TUSC3: variants seen among roughly 807,000 people sequenced by gnomAD.
TUSC3 encodes tumor suppressor candidate 3.
Under a neutral mutation model 44.8 loss-of-function variants are expected in TUSC3, and 45 were observed. That is an observed-to-expected ratio of 1.00 (90% CI 0.79 to 1.29). The LOEUF (loss-of-function observed/expected upper bound fraction) is 1.29, where lower values mean the gene tolerates loss of function less well. TUSC3 is among the 50% of genes most tolerant of loss of function. The probability of loss-of-function intolerance (pLI) is 0.00; values close to 1 mark genes in which losing one functional copy is unlikely to be tolerated. For missense variants in TUSC3, 519 were observed against 437.9 expected (o/e 1.19, Z -1.65); for synonymous variants, 212 against 152.9 (o/e 1.39, Z -2.85).
chr8:15,757,759 ATTG>A lies in TUSC3; in HGVS notation c.1029-27_1029-25del, dbSNP rs1471726633. 2.7e-6 allele frequency: 4 copies of A among 1,474,264 alleles called. No individual in the cohort carries two copies. The South Asian group carries it at 3.4e-5, about 13-fold the overall frequency. The allele number at this position is 1,474,264 out of a possible 1,614,324, so 91.3% of individuals were successfully genotyped here. Reference sequence around the variant, plus strand: ...CAATCTTAAGGATTATTTTTTCCATATTGTTGTATTTCATTGTGGTGTATTGGA... The same window carrying A: ...CAATCTTAAGGATTATTTTTTCCATATTGTATTTCATTGTGGTGTATTGGA... On this transcript the variant is annotated intron_variant, in intron 9 of 10. Coordinates refer to ENST00000503731, the MANE Select transcript of TUSC3 (RefSeq NM_006765.4).
the TUSC3 span, among the ~76,000 whole-genome samples, chr8:15,824,297 A>G: frequency 6.6e-6 from 1 of 152,220 alleles, no homozygotes; most frequent in Non-Finnish European, 1.5e-5. Context: ...ATTTATACAT[A>G]GAATGCAAAT....
chr8:15,586,977 A>G (rs1357394061), intron 1 of TUSC3, among the ~76,000 whole-genome samples: 1 of 152,106 alleles, frequency 6.6e-6, no homozygotes, highest in Non-Finnish European at 1.5e-5. Flanking sequence ...AAGTTTGAGA[A>G]CTGCTGGTTG....
chr8:15,707,638 C>G (rs755665934), intron 6 of TUSC3, among the ~76,000 whole-genome samples: 1 of 151,838 alleles, frequency 6.6e-6, no homozygotes, highest in Non-Finnish European at 1.5e-5. Context: ...GGAACAGCAG[C>G]TTATTGCCTA....
intron 1 of TUSC3, among the ~76,000 whole-genome samples, chr8:15,424,593 G>A (rs1048450471): frequency 1.8e-4 from 28 of 152,258 alleles, no homozygotes; most frequent in African/African-American, 5.1e-4. Flanking sequence ...TTAAAAAATC[G>A]TTAGTGGCTG....
At position 15,656,738 on chromosome 8, in the gene TUSC3, C is replaced by A. The variant is rs941764299; in HGVS notation, c.427-2769C>A. ...CAGAGGCCCTGCTGCTGTAGATCCA[C>A]TAAGGGGGATTCTTTACAATGGCTC... is the stretch of plus-strand genomic sequence containing the variant. On this transcript the variant is annotated intron_variant, in intron 3 of 10. Transcript: ENST00000503731. Among the ~76,000 whole-genome samples the A allele has an allele frequency of 1.6e-4, 24 of 152,226 alleles. 1 individual carries two copies. The highest frequency in any genetic ancestry group is 5.8e-4 in the African/African-American group (24 of 41,464).
intron 2 of TUSC3, among the ~76,000 whole-genome samples, chr8:15,648,799 C>T (rs1486301123): frequency 7.2e-6 from 1 of 138,564 alleles, no homozygotes; most frequent in Non-Finnish European, 1.5e-5. Flanking sequence ...TATCACGTAC[C>T]ATAAAAACAA....
downstream of TUSC3, among the ~76,000 whole-genome samples, chr8:15,766,963 G>A (rs545217400): frequency 8.5e-5 from 13 of 152,228 alleles, no homozygotes; most frequent in East Asian, 3.9e-4. Context: ...GACGCTTGAA[G>A]ACTCAATGTT....
Position 15,642,636 on chromosome 8 carries a change from G to T in TUSC3, c.309-8061G>T, listed in dbSNP as rs187628568. 3.5e-4 allele frequency among the ~76,000 whole-genome samples: 54 copies of T among 152,226 alleles called. No homozygotes were observed. The East Asian group carries it at 9.5e-3, about 27-fold the overall frequency. On this transcript the variant is annotated intron_variant, in intron 2 of 10. Transcript: ENST00000503731. ...ATAGACTTACTGGGAAATCCTGCAG[G>T]ATTTAAGATGTGAGTTAACGCTTTC... is the stretch of plus-strand genomic sequence containing the variant.
intron 2 of TUSC3, among the ~76,000 whole-genome samples, chr8:15,524,667 T>C (rs997548284): frequency 2.0e-5 from 3 of 152,156 alleles, no homozygotes; most frequent in African/African-American, 7.2e-5. Flanking sequence ...TAGCTAAAGA[T>C]AAAAAAAGAC....
At chr8:15,507,854 C>A (rs73536418) in intron 2 of TUSC3, among the ~76,000 whole-genome samples, 2 of 151,940 alleles carry the variant, frequency 1.3e-5, no homozygotes, top group Non-Finnish European at 2.9e-5. Flanking sequence ...TTAATGGCCT[C>A]CCCAAGAGGT....
At chr8:15,599,561 G>A (rs984347356) in intron 1 of TUSC3, among the ~76,000 whole-genome samples, 1 of 151,530 alleles carries the variant, frequency 6.6e-6, no homozygotes, top group African/African-American at 2.4e-5. Context: ...TTATAGTTTT[G>A]CATTTCACAT....
intron 7 of TUSC3, among the ~76,000 whole-genome samples, chr8:15,735,266 AGCT>A (rs72061473): frequency 0.53 from 80,284 of 151,576 alleles, 21,545 homozygotes; most frequent in African/African-American, 0.59. Context: ...AGAGTGACTC[AGCT>A]GCTGTTTTAG....
intron 1 of TUSC3, among the ~76,000 whole-genome samples, chr8:15,419,947 T>C (rs1042245490): frequency 6.6e-6 from 1 of 152,166 alleles, no homozygotes; most frequent in African/African-American, 2.4e-5. Flanking sequence ...ATTCCACATA[T>C]TTAATTGAAA....
the TUSC3 span, among the ~76,000 whole-genome samples, chr8:15,842,943 T>C: frequency 3.9e-5 from 6 of 152,214 alleles, no homozygotes; most frequent in African/African-American, 1.4e-4. Context: ...AGTGTTCACA[T>C]TGTTTTTTGA....
intron 1 of TUSC3, among the ~76,000 whole-genome samples, chr8:15,545,221 A>T (rs1033686514): frequency 6.6e-6 from 1 of 151,552 alleles, no homozygotes; most frequent in African/African-American, 2.4e-5. Flanking sequence ...CTTGAAAGCA[A>T]CTAATGTCCA....
chr8:15,601,825 G>C (rs1481233742), intron 1 of TUSC3, among the ~76,000 whole-genome samples: 1 of 151,468 alleles, frequency 6.6e-6, no homozygotes, highest in East Asian at 1.9e-4. Context: ...AGATTTTGTG[G>C]CTTGCTTTCT....
At chr8:15,691,685 C>T (rs1027525457) in intron 6 of TUSC3, among the ~76,000 whole-genome samples, 1 of 152,100 alleles carries the variant, frequency 6.6e-6, no homozygotes, top group Admixed American at 6.6e-5. Flanking sequence ...TATGTTCCTT[C>T]AGTGTCTAGT....
chr8:15,538,014 A>C (rs1286243182), upstream of TUSC3, among the ~76,000 whole-genome samples: 2 of 152,156 alleles, frequency 1.3e-5, no homozygotes, highest in African/African-American at 2.4e-5. Context: ...TGGAGCTCTT[A>C]TGTACGCACA....
chr8:15,506,438 TTGAC>T (rs1459081955), intron 2 of TUSC3, among the ~76,000 whole-genome samples: 1 of 152,238 alleles, frequency 6.6e-6, no homozygotes, highest in East Asian at 1.9e-4. Context: ...CCTAACTTGT[TTGAC>T]TGTACATCAT....
Sources: gnomAD v4.1 joint callset for allele counts (sites outside exome capture counted in the v4.1 genomes callset) on GRCh38, gnomAD v4.1.1 for gene constraint, MANE v1.5 for transcripts, NCBI Gene and HGNC (gene_info 2026-07-23, HGNC 2026-07-21) for gene names.